The following PLXNA4 variants were observed in gnomAD, a reference collection of about 807,000 sequenced individuals.
The protein encoded by PLXNA4 is plexin-A4.
PLXNA4 carries 44 observed loss-of-function variants against 191.8 expected under a neutral mutation model. The observed-to-expected ratio is 0.23, with a 90% CI of 0.18 to 0.29. The LOEUF is 0.29. PLXNA4 is among the 10% of genes least tolerant of loss of function. PLXNA4 has a pLI of 1.00. For synonymous variants in PLXNA4, 1,082 were observed against 1,009.5 expected (o/e 1.07, Z -1.36); for missense variants, 1,800 against 2,488.8 (o/e 0.72, Z 5.89).
At chr7:132,360,676 G>C (rs1286585451) in intron 3 of PLXNA4, among the ~76,000 whole-genome samples, 1 of 152,238 alleles carries the variant, frequency 6.6e-6, no homozygotes, top group African/African-American at 2.4e-5. Flanking sequence ...CCATAGAGTT[G>C]TTGCAGGTGG....
intron 1 of PLXNA4, among the ~76,000 whole-genome samples, chr7:132,551,540 G>T (rs939037879): frequency 6.6e-6 from 1 of 152,018 alleles, no homozygotes; most frequent in South Asian, 2.1e-4. Context: ...AGTATACCTC[G>T]CTGGAGGCTG....
intron 5 of PLXNA4, among the ~76,000 whole-genome samples, chr7:132,240,710 C>A (rs1798849093): frequency 6.6e-6 from 1 of 152,184 alleles, no homozygotes; most frequent in Non-Finnish European, 1.5e-5. Flanking sequence ...TCCTGGTGTT[C>A]AGTCCTGGAA....
At chr7:132,577,818 G>A (rs1802319025), upstream of PLXNA4, among the ~76,000 whole-genome samples, 1 of 152,120 alleles carries the variant, frequency 6.6e-6, no homozygotes, top group African/African-American at 2.4e-5. Flanking sequence ...CTGACTCTGA[G>A]GCATACACCC....
chr7:132,473,445 G>C (rs1330952541), intron 3 of PLXNA4, among the ~76,000 whole-genome samples: 1 of 152,170 alleles, frequency 6.6e-6, no homozygotes, highest in East Asian at 1.9e-4. Context: ...CCTGTCTCCT[G>C]CTTCTGTAGC....
chr7:132,512,669 C>A (rs1327029887), intron 1 of PLXNA4, among the ~76,000 whole-genome samples: 1 of 152,134 alleles, frequency 6.6e-6, no homozygotes, highest in African/African-American at 2.4e-5. Context: ...GAGGTGACAC[C>A]CCGCCGAGCT....
chr7:132,417,641 G>C (rs1794703289), intron 3 of PLXNA4, among the ~76,000 whole-genome samples: 2 of 151,428 alleles, frequency 1.3e-5, no homozygotes. Flanking sequence ...ATATATGTGT[G>C]TGAGGGAGAG....
rs148275301 is a variant in PLXNA4, at chr7:132,135,171, G to A, written c.5439-1972C>T. On this transcript the variant is annotated intron_variant, in intron 30 of 31. Transcript: ENST00000321063. ...AAGCAAGATATGTTTGTCAAGTAAA[G>A]GGCTATCTTCACAGGCTTTATTTGT... Among the ~76,000 whole-genome samples, 6 of 152,302 alleles carry A rather than the reference G, an allele frequency of 3.9e-5. No homozygotes were observed. The East Asian group carries it at 1.2e-3, about 29-fold the overall frequency.
intron 3 of PLXNA4, among the ~76,000 whole-genome samples, chr7:132,456,697 TGGAGGGGAGG>T (rs1261165621): frequency 1.6e-5 from 2 of 123,644 alleles, no homozygotes; most frequent in Non-Finnish European, 3.3e-5. Context: ...AAGAGGGCAG[TGGAGGGGAGG>T]GGAGGGGAGG....
chr7:132,182,068 T>C, intron 17 of PLXNA4, 29 bp downstream of exon 17: 1 of 1,614,054 alleles, frequency 6.2e-7, no homozygotes. Context: ...ATGGGCAGCC[T>C]CCATGAACCC....
At position 132,181,562 on chromosome 7, in the gene PLXNA4, C is replaced by T. The variant is rs763200859; in HGVS notation, c.3311G>A (p.Gly1104Asp). Residue 1104 changes from glycine to aspartate, a missense_variant, in exon 18 of 32, where the codon GGT becomes GAT. Gly to Asp is a moderately conservative substitution (Grantham distance 94). Around this residue, in one of 6 missense-constraint regions of PLXNA4, gnomAD observed 1,397 missense variants for 1,880.4 expected, o/e 0.74. Transcript: ENST00000321063. ...MTCQAPALAL[G>D]PDHQSDLTER... is the part of the protein sequence containing the mutation. ...GGTCAGGTCTGACTGGTGGTCAGGA[C>T]CCAGAGCGAGGGCGGGCGCCTGACA... The T allele has an allele frequency of 9.3e-6, 15 of 1,614,000 alleles. No individual in the cohort carries two copies. In the East Asian group the frequency reaches 1.8e-4, roughly 19 times the overall value.
intron 2 of PLXNA4, among the ~76,000 whole-genome samples, chr7:132,505,398 G>A (rs140649181): frequency 1.2e-3 from 189 of 152,246 alleles, no homozygotes; most frequent in Non-Finnish European, 2.2e-3. Flanking sequence ...CAAGAGCATC[G>A]CCCAAAAAGT....
intron 5 of PLXNA4, among the ~76,000 whole-genome samples, chr7:132,240,454 A>G (rs1193613784): frequency 6.6e-6 from 1 of 152,246 alleles, no homozygotes. Flanking sequence ...GCCAGCACTC[A>G]GGCCGGGCTT....
At chr7:132,151,406 AGG>A (rs1795616026) in intron 25 of PLXNA4, among the ~76,000 whole-genome samples, 6 of 56,492 alleles carry the variant, frequency 1.1e-4, no homozygotes, top group African/African-American at 1.8e-4. Flanking sequence ...GAGGAGGAGG[AGG>A]AAGGAGGAGG....
chr7:132,419,503 A>T (rs1794778180), intron 3 of PLXNA4, among the ~76,000 whole-genome samples: 1 of 152,260 alleles, frequency 6.6e-6, no homozygotes, highest in Non-Finnish European at 1.5e-5. Flanking sequence ...ATACACATAC[A>T]TGCTTAATTG....
intron 3 of PLXNA4, chr7:132,484,881 T>A: frequency 6.2e-7 from 1 of 1,614,212 alleles, no homozygotes; most frequent in Non-Finnish European, 8.5e-7. Context: ...TGATCTGATA[T>A]TGCTTTGTGA....
chr7:132,147,265 G>A (rs1179063909), intron 27 of PLXNA4, among the ~76,000 whole-genome samples: 1 of 152,238 alleles, frequency 6.6e-6, no homozygotes, highest in East Asian at 1.9e-4. Flanking sequence ...CGGTCCTACT[G>A]TGTGCAGGCA....
intron 3 of PLXNA4, among the ~76,000 whole-genome samples, chr7:132,338,566 A>G (rs1802905408): frequency 1.3e-5 from 2 of 152,254 alleles, no homozygotes; most frequent in African/African-American, 4.8e-5. Flanking sequence ...AGATATTTAC[A>G]CAGTGATTAA....
rs568966122 is a variant in PLXNA4, at chr7:132,605,393, C to G, written c.-87+40535G>C. Among the ~76,000 whole-genome samples the G allele has an allele frequency of 1.0e-3, 157 of 152,236 alleles. 1 individual carries two copies. The highest frequency in any genetic ancestry group is 3.7e-3 in the African/African-American group (153 of 41,548). ...AGAGGGGATCCAGTGATAGAGTCAA[C>G]AGATCTTTGTCCCCAGGATTTGGGG... On this transcript the variant is annotated intron_variant, in intron 2 of 4. Coordinates refer to the PLXNA4 transcript ENST00000378539.
At chr7:132,615,377 T>A (rs1301684407) in intron 2 of PLXNA4, among the ~76,000 whole-genome samples, 2 of 152,046 alleles carry the variant, frequency 1.3e-5, no homozygotes, top group Admixed American at 1.3e-4. Context: ...ACTGCCGCCG[T>A]GGGGACTTCT....
Sources: gnomAD v4.1 joint callset for allele counts (sites outside exome capture counted in the v4.1 genomes callset) on GRCh38, gnomAD v4.1.1 for gene constraint, gnomAD v4.1.1 regional missense constraint, MANE v1.5 for transcripts, NCBI Gene and HGNC (gene_info 2026-07-23, HGNC 2026-07-21) for gene names.